GAP43: variants seen among roughly 807,000 people sequenced by gnomAD.
The protein encoded by GAP43 is growth associated protein 43.
A neutral mutation model predicts 18.6 loss-of-function variants in GAP43; 6 were observed. The observed-to-expected ratio is 0.32, with a 90% CI of 0.18 to 0.64. The LOEUF is 0.64. GAP43 is among the 30% of genes least tolerant of loss of function. The pLI is 0.78. For missense variants in GAP43, 292 were observed against 295.5 expected (o/e 0.99, Z 0.09); for synonymous variants, 115 against 111.4 (o/e 1.03, Z -0.20).
intron 2 of GAP43, among the ~76,000 whole-genome samples, chr3:115,682,411 A>G (rs1708969105): frequency 6.6e-6 from 1 of 152,216 alleles, no homozygotes; most frequent in Admixed American, 6.5e-5. Flanking sequence ...TTAGCTTATC[A>G]GAATCAGTAT....
At chr3:115,707,924 G>A (rs1472886910) in intron 2 of GAP43, among the ~76,000 whole-genome samples, 1 of 151,906 alleles carries the variant, frequency 6.6e-6, no homozygotes, top group African/African-American at 2.4e-5. Context: ...CGAGGTAATT[G>A]AGGTGACTTT....
chr3:115,634,798 A>T (rs566611745), intron 1 of GAP43, among the ~76,000 whole-genome samples: 15 of 151,930 alleles, frequency 9.9e-5, no homozygotes, highest in Admixed American at 9.9e-4. Context: ...AATAAATAAT[A>T]AAAATTCCCC....
intron 1 of GAP43, among the ~76,000 whole-genome samples, chr3:115,664,170 G>T (rs1559795308): frequency 6.8e-6 from 1 of 146,842 alleles, no homozygotes; most frequent in Non-Finnish European, 1.5e-5. Context: ...TTAGAAGAGT[G>T]CTTGACATAT....
At chr3:115,665,743 G>T (rs1343438530) in intron 1 of GAP43, among the ~76,000 whole-genome samples, 2 of 151,972 alleles carry the variant, frequency 1.3e-5, no homozygotes, top group Non-Finnish European at 2.9e-5. Context: ...ATCCAGTGGG[G>T]GTGCATTGGA....
intron 2 of GAP43, among the ~76,000 whole-genome samples, chr3:115,712,572 A>G (rs1709456095): frequency 6.6e-6 from 1 of 152,206 alleles, no homozygotes; most frequent in South Asian, 2.1e-4. Context: ...TGCACTTTAG[A>G]TTTTATAAAG....
chr3:115,693,219 C>T (rs1451328161), intron 2 of GAP43, among the ~76,000 whole-genome samples: 2 of 152,196 alleles, frequency 1.3e-5, no homozygotes, highest in East Asian at 3.8e-4. Flanking sequence ...TCTCTCCAGG[C>T]CTCCCTCTCA....
At chr3:115,673,616 T>A (rs11720553) in intron 1 of GAP43, among the ~76,000 whole-genome samples, 20,955 of 152,192 alleles carry the variant, frequency 0.14, 1,741 homozygotes, top group Admixed American at 0.25. Flanking sequence ...GGCTCCATGC[T>A]CCATTCACAA....
intron 2 of GAP43, among the ~76,000 whole-genome samples, chr3:115,687,369 A>T (rs1030661683): frequency 1.2e-4 from 18 of 152,194 alleles, no homozygotes; most frequent in Admixed American, 9.8e-4. Context: ...AAATTGATTC[A>T]TATTACAGTC....
intron 2 of GAP43, among the ~76,000 whole-genome samples, chr3:115,706,333 T>C (rs1390450459): frequency 6.6e-6 from 1 of 152,152 alleles, no homozygotes; most frequent in Non-Finnish European, 1.5e-5. Flanking sequence ...TGGAGTGTCT[T>C]AAGCCTGGAG....
At chr3:115,669,971 A>ATTTTTTTTTTTATTTTT (rs1708793735) in intron 1 of GAP43, among the ~76,000 whole-genome samples, 2 of 95,458 alleles carry the variant, frequency 2.1e-5, no homozygotes, top group Non-Finnish European at 4.9e-5. Context: ...TTTTATTTTT[A>ATTTTTTTTTTTATTTTT]TTTTTTTTTT....
intron 2 of GAP43, among the ~76,000 whole-genome samples, chr3:115,703,064 A>G (rs561034848): frequency 2.4e-4 from 36 of 152,234 alleles, no homozygotes; most frequent in African/African-American, 7.7e-4. Context: ...GCTCAGGTAA[A>G]GGTCAACAGT....
chr3:115,647,733 A>C (rs1222784615), intron 1 of GAP43, among the ~76,000 whole-genome samples: 5 of 132,068 alleles, frequency 3.8e-5, no homozygotes, highest in Middle Eastern at 7.6e-3. Flanking sequence ...AAAAACAAAA[A>C]CAAAAACAAA....
At chr3:115,672,401 G>A (rs1440959353) in intron 1 of GAP43, among the ~76,000 whole-genome samples, 2 of 152,164 alleles carry the variant, frequency 1.3e-5, no homozygotes, top group African/African-American at 4.8e-5. Flanking sequence ...CACATAGCCA[G>A]TTTTGGGAAA....
At chr3:115,694,680 CAG>C (rs1354548942) in intron 2 of GAP43, among the ~76,000 whole-genome samples, 1 of 152,190 alleles carries the variant, frequency 6.6e-6, no homozygotes, top group African/African-American at 2.4e-5. Flanking sequence ...GTGAGTATAT[CAG>C]AGTCTCATTT....
intron 1 of GAP43, among the ~76,000 whole-genome samples, chr3:115,641,510 T>TCAAACACACA (rs1708395567): frequency 9.3e-6 from 1 of 106,958 alleles, no homozygotes; most frequent in South Asian, 3.5e-4. Flanking sequence ...ATATATATAT[T>TCAAACACACA]CACACACACA....
intron 2 of GAP43, among the ~76,000 whole-genome samples, chr3:115,697,049 G>C (rs1466474342): frequency 6.6e-6 from 1 of 151,856 alleles, no homozygotes; most frequent in African/African-American, 2.4e-5. Flanking sequence ...ATATTGGTCA[G>C]GATGGTCTCA....
intron 2 of GAP43, among the ~76,000 whole-genome samples, chr3:115,681,616 C>T (rs1211638471): frequency 1.3e-5 from 2 of 152,178 alleles, no homozygotes; most frequent in Non-Finnish European, 2.9e-5. Context: ...CCTCATTCAT[C>T]TCATCCTTAG....
At chr3:115,624,214 G>A (rs1232643911) in intron 1 of GAP43, among the ~76,000 whole-genome samples, 1 of 152,080 alleles carries the variant, frequency 6.6e-6, no homozygotes, top group African/African-American at 2.4e-5. Flanking sequence ...AGCTTCGAAG[G>A]GGCGCAGGTA....
In GAP43 at chr3:115,652,035, T is replaced by C. The variant is rs186981659; in HGVS notation, c.31-23978T>C. Among the ~76,000 whole-genome samples, 10 of 152,306 alleles carry C rather than the reference T, an allele frequency of 6.6e-5. 1 individual carries two copies. The highest frequency in any genetic ancestry group is 3.9e-4 in the Admixed American group (6 of 15,286). On this transcript the variant is annotated intron_variant, in intron 1 of 2. Transcript: ENST00000305124. The stretch of plus-strand genomic sequence containing the variant: ...TTTCTTCCACCTTCATAGCTTCAAC[T>C]ATCACCTTCTCATAAAAGACACTCA...
Sources: allele counts gnomAD v4.1 joint callset (sites outside exome capture counted in the v4.1 genomes callset), GRCh38; gene constraint gnomAD v4.1.1; transcripts MANE v1.5; gene names NCBI Gene and HGNC (gene_info 2026-07-23, HGNC 2026-07-21).